The following CADPS variants were observed in gnomAD, a reference collection of about 807,000 sequenced individuals.
CADPS encodes calcium-dependent secretion activator 1.
Under a neutral mutation model 167.3 loss-of-function variants are expected in CADPS, and 57 were observed. That is an observed-to-expected ratio of 0.34 (90% CI 0.28 to 0.42). The LOEUF is 0.42. Among genes scored for constraint, CADPS ranks in the 20% least tolerant of loss-of-function variants. The probability of loss-of-function intolerance (pLI) is 1.00; values close to 1 mark genes in which losing one functional copy is unlikely to be tolerated. For synonymous variants in CADPS, 676 were observed against 635.3 expected, an observed-to-expected ratio of 1.06 and a Z score of -0.96; for missense variants, 1,414 against 1,738.1, an observed-to-expected ratio of 0.81 and a Z score of 3.32.
Position 62,781,464 on chromosome 3 carries a change from G to A in CADPS, c.442-15480C>T, listed in dbSNP as rs184570207. Among the ~76,000 whole-genome samples, 118 of 152,260 alleles carry A rather than the reference G, an allele frequency of 7.7e-4. 1 individual carries two copies. In the East Asian group the frequency reaches 0.014, roughly 18 times the overall value. ...GTGAAGCCCAGAGAAGAGTAGATAC[G>A]CTGAATCAGCCTCCTGGGCCTCTGA... On this transcript the variant is annotated intron_variant, in intron 1 of 29. Transcript: ENST00000383710.
chr3:62,511,535 T>C (rs2067820592), intron 17 of CADPS, among the ~76,000 whole-genome samples: 1 of 152,190 alleles, frequency 6.6e-6, no homozygotes, highest in Admixed American at 6.6e-5. Flanking sequence ...ATGCATTAAA[T>C]AAGCATTCAT....
intron 1 of CADPS, among the ~76,000 whole-genome samples, chr3:62,863,550 C>A (rs1054539291): frequency 6.6e-6 from 1 of 152,102 alleles, no homozygotes; most frequent in Non-Finnish European, 1.5e-5. Flanking sequence ...CTGAGGCTCA[C>A]AAAGAGCAAT....
intron 11 of CADPS, among the ~76,000 whole-genome samples, chr3:62,539,004 G>A (rs2075247819): frequency 6.6e-6 from 1 of 152,108 alleles, no homozygotes; most frequent in African/African-American, 2.4e-5. Flanking sequence ...ACGTTTTAAA[G>A]CAAGCTTACA....
intron 10 of CADPS, among the ~76,000 whole-genome samples, chr3:62,553,141 C>T (rs995111653): frequency 6.6e-6 from 1 of 152,086 alleles, no homozygotes; most frequent in Admixed American, 6.5e-5. Flanking sequence ...AGGACAAACA[C>T]GATCAGGTAT....
At chr3:62,448,881 TG>T (rs2057630115) in intron 26 of CADPS, among the ~76,000 whole-genome samples, 2 of 152,174 alleles carry the variant, frequency 1.3e-5, no homozygotes, top group Non-Finnish European at 2.9e-5. Context: ...CCCAAACTGC[TG>T]GGATTACAGG....
intron 13 of CADPS, among the ~76,000 whole-genome samples, chr3:62,520,181 C>G (rs2070129647): frequency 6.6e-6 from 1 of 152,138 alleles, no homozygotes; most frequent in Non-Finnish European, 1.5e-5. Context: ...TATTTGTGGT[C>G]ATTATTAGGA....
intron 1 of CADPS, among the ~76,000 whole-genome samples, chr3:62,783,584 C>A: frequency 6.6e-6 from 1 of 152,012 alleles, no homozygotes; most frequent in East Asian, 1.9e-4. Flanking sequence ...GTTGTGAGAC[C>A]TTAAGCAATT....
intron 3 of CADPS, among the ~76,000 whole-genome samples, chr3:62,676,154 T>C (rs898102220): frequency 6.6e-6 from 1 of 152,160 alleles, no homozygotes; most frequent in Non-Finnish European, 1.5e-5. Context: ...AGACACAGAA[T>C]TGATTTGTAA....
At chr3:62,464,208 T>C (rs1576404105) in intron 26 of CADPS, among the ~76,000 whole-genome samples, 1 of 152,312 alleles carries the variant, frequency 6.6e-6, no homozygotes, top group Middle Eastern at 3.4e-3. Flanking sequence ...ACTGAGGTTC[T>C]GAGGGGATGG....
chr3:62,573,265 ATTATT>A (rs758371219), intron 8 of CADPS, among the ~76,000 whole-genome samples: 11 of 152,118 alleles, frequency 7.2e-5, no homozygotes, highest in Non-Finnish European at 1.3e-4. Context: ...GCTCTACTGT[ATTATT>A]TTTTATTCAC....
intron 3 of CADPS, among the ~76,000 whole-genome samples, chr3:62,663,012 G>A (rs2073637753): frequency 6.6e-6 from 1 of 152,156 alleles, no homozygotes; most frequent in African/African-American, 2.4e-5. Flanking sequence ...GCATAAATAA[G>A]CCTGGACAAT....
intron 1 of CADPS, among the ~76,000 whole-genome samples, chr3:62,870,813 G>A (rs1330951847): frequency 6.6e-6 from 1 of 152,138 alleles, no homozygotes; most frequent in East Asian, 1.9e-4. Context: ...CTCACTATAA[G>A]TAGCTAGTTC....
At chr3:62,522,466 T>A (rs1378553695) in intron 13 of CADPS, among the ~76,000 whole-genome samples, 1 of 152,144 alleles carries the variant, frequency 6.6e-6, no homozygotes, top group Non-Finnish European at 1.5e-5. Context: ...AGGTTTCCCG[T>A]GTTACTCTAA....
chr3:62,863,729 A>G (rs2081215242), intron 1 of CADPS, among the ~76,000 whole-genome samples: 1 of 152,242 alleles, frequency 6.6e-6, no homozygotes, highest in Non-Finnish European at 1.5e-5. Flanking sequence ...ATTCTCAGCC[A>G]TTGTTTGAAA....
intron 3 of CADPS, among the ~76,000 whole-genome samples, chr3:62,681,216 T>C (rs973075570): frequency 6.6e-6 from 1 of 152,100 alleles, no homozygotes; most frequent in Non-Finnish European, 1.5e-5. Context: ...GCCATCCTTC[T>C]GCCCTAGGGC....
intron 6 of CADPS, among the ~76,000 whole-genome samples, chr3:62,612,852 T>C (rs2061688027): frequency 6.6e-6 from 1 of 152,276 alleles, no homozygotes; most frequent in Non-Finnish European, 1.5e-5. Context: ...ACCTCTCCAA[T>C]CCATAGTGAG....
At chr3:62,525,434 G>A (rs1228046926) in intron 13 of CADPS, among the ~76,000 whole-genome samples, 1 of 152,154 alleles carries the variant, frequency 6.6e-6, no homozygotes, top group Non-Finnish European at 1.5e-5. Flanking sequence ...TGCAAGGCCT[G>A]TACTTGCTCA....
At position 62,421,617 on chromosome 3, in the gene CADPS, T is replaced by A. The variant is rs1176716954; in HGVS notation, c.3777+16487A>T. Among the ~76,000 whole-genome samples, 1 of 152,238 alleles carries A rather than the reference T, an allele frequency of 6.6e-6. No homozygotes were observed. The highest frequency in any genetic ancestry group is 2.4e-5 in the African/African-American group (1 of 41,468). On this transcript the variant is annotated intron_variant, in intron 28 of 29. Coordinates refer to ENST00000383710, the MANE Select transcript of CADPS (RefSeq NM_003716.4). This position sits in a 1 kb window ranked among gnomAD's most constrained non-coding sequence, Gnocchi z 4.7. ...AAAGAGACTTTATTTTAACTTTGAT[T>A]GGCTTCGTTCCCCCACCCCTCCTGA...
chr3:62,708,246 G>A (rs1189879972), intron 3 of CADPS, among the ~76,000 whole-genome samples: 1 of 74,834 alleles, frequency 1.3e-5, no homozygotes, highest in African/African-American at 3.9e-5. Context: ...GTGTTAAAGT[G>A]GAGAGAAAAA....
Sources: gnomAD v4.1 joint callset for allele counts (sites outside exome capture counted in the v4.1 genomes callset) on GRCh38, gnomAD v4.1.1 for gene constraint, Gnocchi (gnomAD v3.1) non-coding constraint, MANE v1.5 for transcripts, NCBI Gene and HGNC (gene_info 2026-07-23, HGNC 2026-07-21) for gene names.